Variants in CNIH3 observed in about 807,000 individuals in gnomAD.
CNIH3 encodes cornichon family AMPA receptor auxiliary protein 3.
CNIH3 carries 14 observed loss-of-function variants against 24.1 expected under a neutral mutation model. The observed-to-expected ratio is 0.58, with a 90% CI of 0.38 to 0.91. CNIH3 has a LOEUF of 0.91. Ranked by LOEUF, CNIH3 falls within the 40% of genes least tolerant of loss-of-function variation. The pLI is 0.00. For synonymous variants in CNIH3, 68 were observed against 73.8 expected (o/e 0.92, Z 0.40); for missense variants, 178 against 196.8 (o/e 0.90, Z 0.57).
At position 224,503,337 on chromosome 1, in the gene CNIH3, CCT is replaced by C. The variant is rs1372663102; in HGVS notation, n.204-12399_204-12398del. On this transcript the variant is annotated intron_variant and non_coding_transcript_variant, in intron 1 of 5. Coordinates refer to the CNIH3 transcript ENST00000471578. Reference sequence around the variant, plus strand: ...CCTTGTCGGTCTTTTGGCCCTAATTCCTCTCTGTCTTTTCCTCCCTTGCTTCT... The same window carrying C: ...CCTTGTCGGTCTTTTGGCCCTAATTCCTCTGTCTTTTCCTCCCTTGCTTCT... 6.6e-5 allele frequency among the ~76,000 whole-genome samples: 10 copies of C among 152,260 alleles called. No individual in the cohort carries two copies. In the East Asian group the frequency reaches 1.4e-3, roughly 21 times the overall value.
Position 224,672,785 on chromosome 1 carries a change from A to C in CNIH3, c.82-8173A>C, listed in dbSNP as rs141152353. Reference sequence around the variant, plus strand: ...ATTCAACACACAACATGGAGAAATCAAGAGAGAAAGGTCCGTTCAAAGTGG... The same window carrying C: ...ATTCAACACACAACATGGAGAAATCCAGAGAGAAAGGTCCGTTCAAAGTGG... On this transcript the variant is annotated intron_variant, in intron 1 of 5. Transcript: ENST00000272133. Among the ~76,000 whole-genome samples, 877 of 152,356 alleles carry C rather than the reference A, an allele frequency of 5.8e-3. 5 individuals are homozygous for C. Among genetic ancestry groups the C allele is most frequent in the Non-Finnish European group, 8.8e-3 (601 of 68,042 alleles).
intron 1 of CNIH3, among the ~76,000 whole-genome samples, chr1:224,442,918 G>A (rs951980154): frequency 6.6e-6 from 1 of 152,106 alleles, no homozygotes; most frequent in African/African-American, 2.4e-5. Context: ...CCCTTTTTGG[G>A]TATATGAAAC....
rs527733700 is a variant in CNIH3 at position 224,703,836 on chromosome 1, C to T, written c.198+18993C>T. On this transcript the variant is annotated intron_variant, in intron 3 of 5. Coordinates refer to ENST00000272133, the MANE Select transcript of CNIH3 (RefSeq NM_152495.2). This position sits in a 1 kb window ranked among gnomAD's most constrained non-coding sequence, Gnocchi z 4.2. ...TCACCCACTGCCAGCTCATTCAGCC[C>T]GCAGCAGGTATTTAGGCAGAACAAG... Among the ~76,000 whole-genome samples the T allele has an allele frequency of 3.9e-5, 6 of 152,262 alleles. No homozygotes were observed. Among genetic ancestry groups the T allele is most frequent in the South Asian group, 2.1e-4 (1 of 4,820 alleles).
chr1:224,560,864 C>T (rs1041013773), intron 3 of CNIH3, among the ~76,000 whole-genome samples: 1 of 152,162 alleles, frequency 6.6e-6, no homozygotes, highest in Non-Finnish European at 1.5e-5. Flanking sequence ...GGAAAATTGT[C>T]TTCCATGAAA....
chr1:224,579,946 C>T (rs1386618520), intron 4 of CNIH3, among the ~76,000 whole-genome samples: 3 of 152,158 alleles, frequency 2.0e-5, no homozygotes, highest in Non-Finnish European at 4.4e-5. Context: ...TTTCTAGCAA[C>T]ACAAACGGAC....
At chr1:224,646,528 C>T (rs1411894748) in intron 1 of CNIH3, among the ~76,000 whole-genome samples, 4 of 152,204 alleles carry the variant, frequency 2.6e-5, no homozygotes, top group Non-Finnish European at 4.4e-5. Flanking sequence ...ACCTTAACCT[C>T]CCGAGTAGCT....
chr1:224,667,023 C>A (rs781029349), intron 1 of CNIH3, among the ~76,000 whole-genome samples: 7 of 152,194 alleles, frequency 4.6e-5, no homozygotes, highest in Non-Finnish European at 8.8e-5. Flanking sequence ...AGTTCTTAGT[C>A]CACTTCTGTC....
chr1:224,680,153 A>G (rs190428879), intron 1 of CNIH3, among the ~76,000 whole-genome samples: 7 of 152,246 alleles, frequency 4.6e-5, no homozygotes, highest in Admixed American at 4.6e-4. Context: ...TCCACACCCT[A>G]AGAAAGGACA....
At chr1:224,620,906 A>G (rs1683249406) in intron 1 of CNIH3, among the ~76,000 whole-genome samples, 2 of 152,174 alleles carry the variant, frequency 1.3e-5, no homozygotes, top group African/African-American at 2.4e-5. Flanking sequence ...ATGTGAAGTG[A>G]TATGTATTTC....
At chr1:224,714,140 A>G (rs1688305082) in intron 3 of CNIH3, among the ~76,000 whole-genome samples, 1 of 152,200 alleles carries the variant, frequency 6.6e-6, no homozygotes. Flanking sequence ...ATTGGTGTAT[A>G]ACATAGAGCA....
rs566179883 is a variant in CNIH3, at chr1:224,729,165, C to G, written c.199-1297C>G. On this transcript the variant is annotated intron_variant, in intron 3 of 5. Transcript: ENST00000272133. ...GTGGCTCGTACCTGTAATCGCAGCA[C>G]TTTGGGAGGCCGAGGTGGGCAGATC... is the stretch of plus-strand genomic sequence containing the variant. 2.4e-4 allele frequency among the ~76,000 whole-genome samples: 37 copies of G among 152,084 alleles called. No homozygotes were observed. The South Asian group carries it at 3.5e-3, about 15-fold the overall frequency.
intron 1 of CNIH3, among the ~76,000 whole-genome samples, chr1:224,678,482 T>TC (rs1686244128): frequency 6.6e-6 from 1 of 152,152 alleles, no homozygotes; most frequent in African/African-American, 2.4e-5. Flanking sequence ...GAATGGACAT[T>TC]TACAACCTGA....
intron 1 of CNIH3, among the ~76,000 whole-genome samples, chr1:224,639,956 T>C (rs774596703): frequency 2.6e-5 from 4 of 152,224 alleles, no homozygotes; most frequent in Non-Finnish European, 4.4e-5. Flanking sequence ...TATTGAGTTA[T>C]GATTTTGCCT....
chr1:224,642,056 G>A (rs1023481364), intron 1 of CNIH3, among the ~76,000 whole-genome samples: 6 of 152,132 alleles, frequency 3.9e-5, no homozygotes, highest in Admixed American at 6.5e-5. Flanking sequence ...GTTATGCTCC[G>A]TTTGGACATA....
chr1:224,569,887 G>A (rs1466920607), intron 4 of CNIH3, among the ~76,000 whole-genome samples: 2 of 151,966 alleles, frequency 1.3e-5, no homozygotes, highest in African/African-American at 4.8e-5. Context: ...GGGTTCAAGC[G>A]ATTCTCTTGC....
At chr1:224,477,646 T>G (rs963866957) in intron 1 of CNIH3, among the ~76,000 whole-genome samples, 3 of 152,252 alleles carry the variant, frequency 2.0e-5, no homozygotes, top group Admixed American at 6.5e-5. Flanking sequence ...GTTATTTTTG[T>G]TGATCAGTTC....
intron 4 of CNIH3, among the ~76,000 whole-genome samples, chr1:224,580,767 C>T (rs937162058): frequency 6.7e-6 from 1 of 149,108 alleles, no homozygotes; most frequent in African/African-American, 2.5e-5. Context: ...TCGGAGGTTG[C>T]AGTGGCCACA....
intron 1 of CNIH3, among the ~76,000 whole-genome samples, chr1:224,437,322 G>A (rs886967918): frequency 1.4e-4 from 22 of 152,152 alleles, no homozygotes; most frequent in African/African-American, 5.1e-4. Flanking sequence ...TGTTAAAAAC[G>A]GGTCTCTATT....
rs546166563 is a variant in CNIH3 at position 224,519,449 on chromosome 1, A to G, written n.16-1551A>G. 6.6e-5 allele frequency among the ~76,000 whole-genome samples: 10 copies of G among 152,256 alleles called. No homozygotes were observed. In the South Asian group the frequency reaches 8.3e-4, roughly 13 times the overall value. ...GTCTCCAGCTTGCAGACGGCAGATC[A>G]TGGGACCTCTTAGCCTCTATGATTG... On this transcript the variant is annotated intron_variant and non_coding_transcript_variant, in intron 1 of 2. Coordinates refer to the CNIH3 transcript ENST00000470602.
Sources: gnomAD v4.1 joint callset for allele counts (sites outside exome capture counted in the v4.1 genomes callset) on GRCh38, gnomAD v4.1.1 for gene constraint, Gnocchi (gnomAD v3.1) non-coding constraint, MANE v1.5 for transcripts, NCBI Gene and HGNC (gene_info 2026-07-23, HGNC 2026-07-21) for gene names.